Variants in PRTFDC1 observed in about 807,000 individuals in gnomAD.
PRTFDC1 encodes the protein phosphoribosyltransferase domain-containing protein 1.
A neutral mutation model predicts 34.6 loss-of-function variants in PRTFDC1; 38 were observed. That is an observed-to-expected ratio of 1.10 (90% CI 0.85 to 1.44). The LOEUF is 1.44. Among genes scored for constraint, PRTFDC1 ranks in the 40% most tolerant of loss-of-function variants. PRTFDC1 has a pLI of 0.00. For missense variants in PRTFDC1, 270 were observed against 283.0 expected (o/e 0.95, Z 0.33); for synonymous variants, 93 against 98.1 (o/e 0.95, Z 0.31).
At chr10:24,886,038 A>G (rs1848158564) in intron 3 of PRTFDC1, among the ~76,000 whole-genome samples, 1 of 152,228 alleles carries the variant, frequency 6.6e-6, no homozygotes, top group African/African-American at 2.4e-5. Context: ...CAGTGAAACT[A>G]TCTTGTATGA....
intron 4 of PRTFDC1, among the ~76,000 whole-genome samples, chr10:24,864,231 T>G (rs2132501546): frequency 6.6e-6 from 1 of 152,326 alleles, no homozygotes; most frequent in South Asian, 2.1e-4. Context: ...CTGTGAACAT[T>G]GTTGAAATGA....
intron 4 of PRTFDC1, among the ~76,000 whole-genome samples, chr10:24,859,395 G>T (rs1847637961): frequency 6.6e-6 from 1 of 152,176 alleles, no homozygotes; most frequent in African/African-American, 2.4e-5. Context: ...ACGTGGCTGG[G>T]ATTATAGGTA....
At position 24,851,698 on chromosome 10, in the gene PRTFDC1, T is replaced by A. The variant is rs148549175; in HGVS notation, c.554-234A>T. Among the ~76,000 whole-genome samples the A allele has an allele frequency of 1.4e-3, 206 of 151,716 alleles. 5 individuals carry two copies. In the East Asian group the frequency reaches 0.036, roughly 26 times the overall value. On this transcript the variant is annotated intron_variant, in intron 7 of 8. Coordinates refer to ENST00000320152, the MANE Select transcript of PRTFDC1 (RefSeq NM_020200.7). ...CCAACCTACAATGAAGAATGACTGATCTAGCATACAGAGTTGAGAAAGGGC... is the reference window on the plus strand; with the variant it reads ...CCAACCTACAATGAAGAATGACTGAACTAGCATACAGAGTTGAGAAAGGGC...
At chr10:24,917,343 G>A (rs902622211) in intron 3 of PRTFDC1, among the ~76,000 whole-genome samples, 1 of 152,112 alleles carries the variant, frequency 6.6e-6, no homozygotes, top group Non-Finnish European at 1.5e-5. Context: ...AGGGATGGTT[G>A]TTGGATAGAA....
At chr10:24,887,277 C>T (rs1848185581) in intron 3 of PRTFDC1, among the ~76,000 whole-genome samples, 1 of 152,086 alleles carries the variant, frequency 6.6e-6, no homozygotes, top group Admixed American at 6.6e-5. Context: ...GCCGTTAATA[C>T]TCCTTCTAAT....
chr10:24,889,176 C>T (rs375184082), intron 3 of PRTFDC1, among the ~76,000 whole-genome samples: 3 of 152,200 alleles, frequency 2.0e-5, no homozygotes, highest in African/African-American at 7.2e-5. Flanking sequence ...AGCTTGCTTG[C>T]CCCTTCCACC....
intron 8 of PRTFDC1, among the ~76,000 whole-genome samples, chr10:24,850,272 C>G (rs981234973): frequency 1.3e-5 from 2 of 152,108 alleles, no homozygotes; most frequent in African/African-American, 4.8e-5. Flanking sequence ...TTTTGGGCAA[C>G]AAGCAAAGGG....
At chr10:24,928,719 C>T (rs1807401578) in intron 3 of PRTFDC1, among the ~76,000 whole-genome samples, 1 of 151,366 alleles carries the variant, frequency 6.6e-6, no homozygotes, top group South Asian at 2.1e-4. Context: ...GCTGGGATTA[C>T]AGGTGTGAGC....
chr10:24,851,348 T>C (rs1394569502), intron 8 of PRTFDC1, 40 bp downstream of exon 8: 1 of 1,584,736 alleles, frequency 6.3e-7, no homozygotes, highest in Admixed American at 2.0e-5. Flanking sequence ...TGTTAAGTTC[T>C]TATAAAAAGG....
At chr10:24,877,155 G>T (rs751371777) in intron 3 of PRTFDC1, among the ~76,000 whole-genome samples, 16 of 151,970 alleles carry the variant, frequency 1.1e-4, no homozygotes, top group Non-Finnish European at 1.5e-4. Flanking sequence ...CTATTAGGCT[G>T]AGTCAGTGCT....
chr10:24,906,744 C>T (rs749372505), intron 3 of PRTFDC1, among the ~76,000 whole-genome samples: 4 of 152,288 alleles, frequency 2.6e-5, no homozygotes, highest in African/African-American at 9.6e-5. Flanking sequence ...ACTGTGGCCA[C>T]GAAGCCCATG....
chr10:24,917,628 C>G (rs1848715312), intron 3 of PRTFDC1, among the ~76,000 whole-genome samples: 1 of 152,018 alleles, frequency 6.6e-6, no homozygotes, highest in African/African-American at 2.4e-5. Flanking sequence ...CACTGTGCTC[C>G]TTGCTTCTAA....
chr10:24,861,529 CAA>C (rs1847680309), intron 4 of PRTFDC1, among the ~76,000 whole-genome samples: 1 of 151,904 alleles, frequency 6.6e-6, no homozygotes, highest in Non-Finnish European at 1.5e-5. Context: ...AACAAACAAA[CAA>C]ACAAAAAACC....
intron 3 of PRTFDC1, among the ~76,000 whole-genome samples, chr10:24,902,508 G>A (rs1210014752): frequency 1.3e-5 from 2 of 152,194 alleles, no homozygotes; most frequent in African/African-American, 4.8e-5. Flanking sequence ...TCCAAGATCT[G>A]GTGGTTTGGT....
intron 3 of PRTFDC1, among the ~76,000 whole-genome samples, chr10:24,880,843 C>CTTTCTTTCTTTCTTTCTTTCTT (rs1848062512): frequency 6.7e-6 from 1 of 148,378 alleles, no homozygotes; most frequent in African/African-American, 2.5e-5. Context: ...TTCTTTCTTT[C>CTTTCTTTCTTTCTTTCTTTCTT]TTTCTTTCTT....
chr10:24,880,813 C>CTCGT (rs1555046618), intron 3 of PRTFDC1, among the ~76,000 whole-genome samples: 4 of 114,928 alleles, frequency 3.5e-5, no homozygotes, highest in Non-Finnish European at 5.5e-5. Flanking sequence ...TACTGTCTTT[C>CTCGT]TCTTTCTTTC....
At chr10:24,902,212 C>G (rs1311702054) in intron 3 of PRTFDC1, among the ~76,000 whole-genome samples, 2 of 150,570 alleles carry the variant, frequency 1.3e-5, no homozygotes, top group Admixed American at 1.3e-4. Flanking sequence ...TTTTTTTTCT[C>G]CTTAATCTTC....
At chr10:24,915,572 G>A (rs978091238) in intron 3 of PRTFDC1, among the ~76,000 whole-genome samples, 2 of 152,184 alleles carry the variant, frequency 1.3e-5, no homozygotes, top group African/African-American at 4.8e-5. Context: ...ATCCTTGGCT[G>A]AACCTGACTG....
At chr10:24,906,062 T>C (rs1427916733) in intron 3 of PRTFDC1, among the ~76,000 whole-genome samples, 1 of 152,184 alleles carries the variant, frequency 6.6e-6, no homozygotes, top group Non-Finnish European at 1.5e-5. Flanking sequence ...GCCATCCATG[T>C]TGCAAATGAT....
Sources: allele counts gnomAD v4.1 joint callset (sites outside exome capture counted in the v4.1 genomes callset), GRCh38; gene constraint gnomAD v4.1.1; transcripts MANE v1.5; gene names NCBI Gene and HGNC (gene_info 2026-07-23, HGNC 2026-07-21).